The following CAAP1 variants were observed in gnomAD, a reference collection of about 807,000 sequenced individuals.
CAAP1 encodes the protein caspase activity and apoptosis inhibitor 1.
In CAAP1, 20 loss-of-function variants were observed where a neutral mutation model predicts 34.0. That is an observed-to-expected ratio of 0.59 (90% CI 0.41 to 0.86). The LOEUF is 0.86. CAAP1 is among the 40% of genes least tolerant of loss of function. CAAP1 has a pLI of 0.00. For missense variants in CAAP1, 538 were observed against 450.5 expected (o/e 1.19, Z -1.76); for synonymous variants, 213 against 166.7 (o/e 1.28, Z -2.14).
At chr9:26,847,196 A>T (rs922171460) in intron 5 of CAAP1, among the ~76,000 whole-genome samples, 40 of 63,038 alleles carry the variant, frequency 6.3e-4, no homozygotes, top group Admixed American at 2.2e-3. Flanking sequence ...GTAAAAAGCA[A>T]TATTTTTTTT....
intron 3 of CAAP1, among the ~76,000 whole-genome samples, chr9:26,885,184 C>A (rs1341503261): frequency 6.7e-6 from 1 of 149,092 alleles, no homozygotes; most frequent in Non-Finnish European, 1.5e-5. Context: ...TCTAGCAATT[C>A]TCCTGCCTCA....
intron 5 of CAAP1, among the ~76,000 whole-genome samples, chr9:26,847,778 T>A (rs1429818571): frequency 1.3e-5 from 2 of 152,302 alleles, no homozygotes; most frequent in East Asian, 3.9e-4. Context: ...ATCTGTTGAT[T>A]TTTTTTCCCT....
intron 1 of CAAP1, 147 bp from the exon 2 acceptor site, chr9:26,887,660 A>T: frequency 1.7e-6 from 1 of 581,078 alleles, no homozygotes; most frequent in East Asian, 2.9e-5. Flanking sequence ...AAACCATAGG[A>T]GAGAATATCT....
chr9:26,867,874 G>A (rs529022466), intron 4 of CAAP1, among the ~76,000 whole-genome samples: 2 of 152,064 alleles, frequency 1.3e-5, no homozygotes, highest in Non-Finnish European at 2.9e-5. Context: ...ACATCATTTT[G>A]AGAAAGAATC....
At chr9:26,870,684 T>A (rs1049318607) in intron 4 of CAAP1, among the ~76,000 whole-genome samples, 6 of 151,566 alleles carry the variant, frequency 4.0e-5, no homozygotes, top group African/African-American at 1.5e-4. Flanking sequence ...TGGCGCGATC[T>A]CGGCTCACTG....
At chr9:26,883,732 A>T (rs997021668) in intron 4 of CAAP1, among the ~76,000 whole-genome samples, 3 of 152,226 alleles carry the variant, frequency 2.0e-5, no homozygotes, top group East Asian at 1.9e-4. Flanking sequence ...GAAATTTTTT[A>T]AAAAAGAAAC....
chr9:26,865,891 A>T (rs67186643), intron 4 of CAAP1, among the ~76,000 whole-genome samples: 33,210 of 152,058 alleles, frequency 0.22, 4,198 homozygotes, highest in Admixed American at 0.27. Flanking sequence ...CTGTTGCCCA[A>T]GCTGGAGTGT....
At chr9:26,873,234 C>G (rs1823324302) in intron 4 of CAAP1, among the ~76,000 whole-genome samples, 1 of 152,166 alleles carries the variant, frequency 6.6e-6, no homozygotes, top group Non-Finnish European at 1.5e-5. Context: ...AAGTGAGCAG[C>G]TGCCTCAAAA....
At chr9:26,876,367 CT>C (rs910181307) in intron 4 of CAAP1, among the ~76,000 whole-genome samples, 3 of 151,298 alleles carry the variant, frequency 2.0e-5, no homozygotes, top group African/African-American at 7.3e-5. Flanking sequence ...AGCAAAGTCT[CT>C]TTTGTCTTTT....
intron 4 of CAAP1, among the ~76,000 whole-genome samples, chr9:26,865,478 C>T (rs910018778): frequency 6.6e-6 from 1 of 151,436 alleles, no homozygotes; most frequent in African/African-American, 2.4e-5. Context: ...GAGCCAAGAT[C>T]ATGCCATTGC....
chr9:26,840,885 A>G lies in CAAP1; in HGVS notation c.*1416T>C, dbSNP rs903700057. ...ATCACTGTCTTTTCATCTTGAAGCA[A>G]TAACAATGAACTCATAACTCAAATC... On this transcript the variant is annotated 3_prime_UTR_variant, in exon 6 of 6. Coordinates refer to ENST00000333916, the MANE Select transcript of CAAP1 (RefSeq NM_024828.4). 3.9e-5 allele frequency: 6 copies of G among 152,242 alleles called. No homozygotes were observed. Among genetic ancestry groups the G allele is most frequent in the Admixed American group, 1.3e-4 (2 of 15,286 alleles). 9.4% of individuals were successfully genotyped at this position (152,242 alleles called of 1,614,324 possible).
In CAAP1 at chr9:26,842,309, G is replaced by A; in HGVS notation, c.1078C>T (p.Pro360Ser). ...ALMKAGDIKK[P>S]A is the part of the protein sequence containing the mutation. ...AAAATCAAGTTAAATACCTAGGCTG[G>A]CTTTTTTATATCACCAGCTTTCATT... The change falls in exon 6 of 6, where the codon CCA becomes TCA. Residue 360 changes from proline (P) to serine (S), a missense_variant. Pro to Ser is a moderately conservative substitution (Grantham distance 74). This residue lies in a region of CAAP1 where 18 missense variants were observed against 22.3 expected (regional missense o/e 0.81). Coordinates refer to ENST00000333916, the MANE Select transcript of CAAP1 (RefSeq NM_024828.4). The A allele has an allele frequency of 1.3e-6, 2 of 1,564,472 alleles. No homozygotes were observed. The highest frequency in any genetic ancestry group is 1.7e-6 in the Non-Finnish European group (2 of 1,157,772).
At chr9:26,847,677 ATT>A (rs1279181364) in intron 5 of CAAP1, among the ~76,000 whole-genome samples, 1 of 151,294 alleles carries the variant, frequency 6.6e-6, no homozygotes, top group Non-Finnish European at 1.5e-5. Context: ...CATTCTATAT[ATT>A]CTTATATTTG....
chr9:26,854,637 A>C (rs1822826173), intron 5 of CAAP1, among the ~76,000 whole-genome samples: 1 of 152,220 alleles, frequency 6.6e-6, no homozygotes, highest in Admixed American at 6.5e-5. Context: ...GATTCACAGA[A>C]AACATCTGCA....
In CAAP1 at chr9:26,847,317, C is replaced by G. The variant is rs1390464618; in HGVS notation, c.740-4670G>C. On this transcript the variant is annotated intron_variant, in intron 5 of 5. Transcript: ENST00000333916. ...GCAAGCTCCACCTCCCGGGTTCACGCCATTCTCCCGCCTCAGCCTCCCAAG... is the reference window on the plus strand; with the variant it reads ...GCAAGCTCCACCTCCCGGGTTCACGGCATTCTCCCGCCTCAGCCTCCCAAG... Among the ~76,000 whole-genome samples the G allele has an allele frequency of 2.1e-5, 3 of 143,352 alleles. No homozygotes were observed. In the East Asian group the frequency reaches 6.5e-4, roughly 31 times the overall value. The allele number at this position is 143,352 out of a possible 152,430, so 94.0% of individuals were successfully genotyped here.
intron 5 of CAAP1, among the ~76,000 whole-genome samples, chr9:26,856,485 C>G (rs548980816): frequency 6.6e-6 from 1 of 152,148 alleles, no homozygotes; most frequent in Non-Finnish European, 1.5e-5. Context: ...ACCATTCTTC[C>G]TAAGTACAAA....
chr9:26,889,287 G>A (rs117431981), intron 1 of CAAP1, among the ~76,000 whole-genome samples: 5,495 of 152,094 alleles, frequency 0.036, 165 homozygotes, highest in South Asian at 0.098. Flanking sequence ...GTGTGGAGGC[G>A]GGTGCCTGTA....
chr9:26,847,198 A>ATTTTTTTTTTTTT lies in CAAP1; in HGVS notation c.740-4564_740-4552dup, dbSNP rs1171628621. ...TTTTTACTAGTAAGTAAAAAGCAAT[A>ATTTTTTTTTTTTT]TTTTTTTTTTTTTTTTTTTTTTTTT... is the stretch of plus-strand genomic sequence containing the variant. On this transcript the variant is annotated intron_variant, in intron 5 of 5. Transcript: ENST00000333916. Among the ~76,000 whole-genome samples the ATTTTTTTTTTTTT allele has an allele frequency of 6.1e-3, 212 of 34,752 alleles. 69 individuals carry two copies. The highest frequency in any genetic ancestry group is 8.2e-3 in the Non-Finnish European group (165 of 20,064). The allele number at this position is 34,752 out of a possible 152,430, so 22.8% of individuals were successfully genotyped here.
At position 26,847,198 on chromosome 9, in the gene CAAP1, A is replaced by ATTTTTTTTTTTTTTT. The variant is rs1171628621; in HGVS notation, c.740-4566_740-4552dup. Among the ~76,000 whole-genome samples the ATTTTTTTTTTTTTTT allele has an allele frequency of 1.2e-3, 41 of 34,750 alleles. 13 individuals are homozygous for ATTTTTTTTTTTTTTT. Among genetic ancestry groups the ATTTTTTTTTTTTTTT allele is most frequent in the Non-Finnish European group, 1.7e-3 (35 of 20,062 alleles). The allele number at this position is 34,750 out of a possible 152,430, so 22.8% of individuals were successfully genotyped here. A position where few individuals can be genotyped will look rare whatever the true frequency, so the allele number is the denominator to read the frequency against. On this transcript the variant is annotated intron_variant, in intron 5 of 5. Transcript: ENST00000333916. Reference sequence around the variant, plus strand: ...TTTTTACTAGTAAGTAAAAAGCAATATTTTTTTTTTTTTTTTTTTTTTTTT... The same window carrying ATTTTTTTTTTTTTTT: ...TTTTTACTAGTAAGTAAAAAGCAATATTTTTTTTTTTTTTTTTTTTTTTTTTTTTTTTTTTTTTTT...
Sources: gnomAD v4.1 joint callset for allele counts (sites outside exome capture counted in the v4.1 genomes callset) on GRCh38, gnomAD v4.1.1 for gene constraint, gnomAD v4.1.1 regional missense constraint, MANE v1.5 for transcripts, NCBI Gene and HGNC (gene_info 2026-07-23, HGNC 2026-07-21) for gene names.